Variants in CACHD1 observed in about 807,000 individuals in gnomAD.
CACHD1 encodes cache domain containing 1, also known as VWFA and cache domain-containing protein 1.
Under a neutral mutation model 138.7 loss-of-function variants are expected in CACHD1, and 71 were observed. That is an observed-to-expected ratio of 0.51 (90% CI 0.42 to 0.62). The LOEUF is 0.62. Ranked by LOEUF, CACHD1 falls within the 20% of genes least tolerant of loss-of-function variation. The pLI is 0.00. For synonymous variants in CACHD1, 578 were observed against 591.5 expected (o/e 0.98, Z 0.33); for missense variants, 1,389 against 1,625.3 (o/e 0.85, Z 2.50).
At chr1:64,523,816 C>T (rs903800927) in intron 1 of CACHD1, among the ~76,000 whole-genome samples, 2 of 73,612 alleles carry the variant, frequency 2.7e-5, no homozygotes, top group Non-Finnish European at 5.1e-5. Flanking sequence ...TGGGGTCGAA[C>T]GATATTCTTT....
intron 12 of CACHD1, among the ~76,000 whole-genome samples, chr1:64,657,681 C>T (rs1649312007): frequency 6.6e-6 from 1 of 152,224 alleles, no homozygotes; most frequent in Admixed American, 6.5e-5. Context: ...CAACCATCCT[C>T]ACAAATCCTA....
At chr1:64,656,101 T>A (rs1649253771) in intron 12 of CACHD1, among the ~76,000 whole-genome samples, 1 of 152,264 alleles carries the variant, frequency 6.6e-6, no homozygotes, top group African/African-American at 2.4e-5. Flanking sequence ...GTAGCCAGAA[T>A]GCCTTTAGGC....
intron 16 of CACHD1, among the ~76,000 whole-genome samples, chr1:64,668,013 T>C (rs1042125912): frequency 5.3e-5 from 8 of 152,204 alleles, no homozygotes; most frequent in African/African-American, 1.7e-4. Flanking sequence ...AATGGAAATA[T>C]GATGGACTTT....
At chr1:64,640,692 GACACACACACACACACACAC>G (rs35423621) in intron 7 of CACHD1, among the ~76,000 whole-genome samples, 3 of 143,714 alleles carry the variant, frequency 2.1e-5, no homozygotes, top group African/African-American at 5.3e-5. Flanking sequence ...TATATATACA[GACACACACACACACACACAC>G]ACACACACAC....
intron 4 of CACHD1, among the ~76,000 whole-genome samples, chr1:64,612,571 T>C (rs1353878207): frequency 6.6e-6 from 1 of 152,150 alleles, no homozygotes; most frequent in Non-Finnish European, 1.5e-5. Context: ...GGAAAATGAG[T>C]CACATGCATT....
Position 64,550,605 on chromosome 1 carries a change from C to G in CACHD1, c.210C>G (p.Asn70Lys), listed in dbSNP as rs761209550. The G allele has an allele frequency of 6.2e-7, 1 of 1,611,232 alleles. No individual in the cohort carries two copies. The highest frequency in any genetic ancestry group is 8.5e-7 in the Non-Finnish European group (1 of 1,177,722). The change falls in exon 2 of 27, where the codon AAC becomes AAG. Residue 70 changes from asparagine (N) to lysine (K), a missense_variant. Physicochemically the swap from Asn to Lys is moderately conservative, Grantham distance 94. This residue lies in a region of CACHD1 where 1,000 missense variants were observed against 1,114.7 expected (regional missense o/e 0.90). Coordinates refer to ENST00000651257, the MANE Select transcript of CACHD1 (RefSeq NM_020925.4). Reference sequence around the variant, plus strand: ...TCTTTTCATTGCAGCGGATATTCAACTCCTTTGTTTACACTGAGAAAATCT... The same window carrying G: ...TCTTTTCATTGCAGCGGATATTCAAGTCCTTTGTTTACACTGAGAAAATCT... ...LGVVTMQRIF[N>K]SFVYTEKISN...
intron 7 of CACHD1, among the ~76,000 whole-genome samples, chr1:64,641,019 T>C (rs1476884514): frequency 6.6e-6 from 1 of 152,102 alleles, no homozygotes; most frequent in Non-Finnish European, 1.5e-5. Flanking sequence ...TTCAATCCAA[T>C]GGCATGGTTT....
In CACHD1 at chr1:64,671,616, C is replaced by T. The variant is rs745363604; in HGVS notation, c.2440C>T (p.Leu814Phe). 1.9e-6 allele frequency: 3 copies of T among 1,613,858 alleles called. No homozygotes were observed. The highest frequency in any genetic ancestry group is 2.5e-6 in the Non-Finnish European group (3 of 1,179,770). The change falls in exon 17 of 27, where the codon CTC becomes TTC. Residue 814 changes from leucine (L) to phenylalanine (F), a missense_variant. Physicochemically the swap from Leu to Phe is conservative, Grantham distance 22. Transcript: ENST00000651257. ...TVAVMGIDFT[L>F]RYFYKVLMDL... The stretch of plus-strand genomic sequence containing the variant: ...GGCTGTGATGGGCATTGACTTCACA[C>T]TCAGATACTTCTACAAAGTTCTGAT...
chr1:64,501,359 A>C (rs1237721783), intron 1 of CACHD1, among the ~76,000 whole-genome samples: 2 of 152,068 alleles, frequency 1.3e-5, no homozygotes, highest in Non-Finnish European at 1.5e-5. Flanking sequence ...TACCAGCTCT[A>C]TCTTTATTTT....
chr1:64,563,771 A>G (rs12118994), intron 2 of CACHD1: 16,191 of 152,248 alleles, frequency 0.11, 913 homozygotes, highest in African/African-American at 0.14. Context: ...ACAGAATCAA[A>G]GAGCCTCATC....
intron 20 of CACHD1, 72 bp from the exon 21 acceptor site, chr1:64,675,825 C>A: frequency 9.9e-7 from 1 of 1,013,272 alleles, no homozygotes; most frequent in Non-Finnish European, 1.5e-6. Flanking sequence ...CATTATTTTG[C>A]TTCCCCAGCA....
chr1:64,503,052 A>C (rs1646348838), intron 1 of CACHD1, among the ~76,000 whole-genome samples: 1 of 152,218 alleles, frequency 6.6e-6, no homozygotes, highest in South Asian at 2.1e-4. Flanking sequence ...ATAGAGCCGA[A>C]CTTTTTTTTG....
chr1:64,670,353 T>C (rs1557549460), intron 16 of CACHD1, among the ~76,000 whole-genome samples: 1 of 152,210 alleles, frequency 6.6e-6, no homozygotes, highest in African/African-American at 2.4e-5. Context: ...TCCCCAAGCT[T>C]TAGTTTTCTG....
chr1:64,496,061 C>T (rs542090858), intron 1 of CACHD1, among the ~76,000 whole-genome samples: 3 of 152,276 alleles, frequency 2.0e-5, no homozygotes, highest in African/African-American at 7.2e-5. Context: ...TGTTTGCCAA[C>T]CTGGCCCATG....
At chr1:64,604,554 G>A (rs1479012128) in intron 4 of CACHD1, among the ~76,000 whole-genome samples, 1 of 152,202 alleles carries the variant, frequency 6.6e-6, no homozygotes, top group Non-Finnish European at 1.5e-5. Context: ...GGTTGAAATA[G>A]CAATCTGAAT....
intron 1 of CACHD1, among the ~76,000 whole-genome samples, chr1:64,495,393 T>C (rs10465846): frequency 0.089 from 13,581 of 152,170 alleles, 1,456 homozygotes; most frequent in African/African-American, 0.26. Flanking sequence ...TTCTCATGTA[T>C]TAGGAAAAGC....
chr1:64,581,102 A>G (rs1205185536), intron 2 of CACHD1, among the ~76,000 whole-genome samples: 1 of 152,194 alleles, frequency 6.6e-6, no homozygotes, highest in African/African-American at 2.4e-5. Flanking sequence ...TAGTTTATAT[A>G]ATTTCTAGCA....
intron 1 of CACHD1, among the ~76,000 whole-genome samples, chr1:64,534,508 T>G (rs1185167653): frequency 6.6e-6 from 1 of 152,238 alleles, no homozygotes; most frequent in Non-Finnish European, 1.5e-5. Flanking sequence ...CAGGCCTTAA[T>G]AATATTCCCT....
chr1:64,660,767 T>G (rs911445260), intron 13 of CACHD1, among the ~76,000 whole-genome samples: 1 of 152,114 alleles, frequency 6.6e-6, no homozygotes, highest in Non-Finnish European at 1.5e-5. Flanking sequence ...TGACCTCAGG[T>G]GATCCTCCCG....
Sources: gnomAD v4.1 joint callset for allele counts (sites outside exome capture counted in the v4.1 genomes callset) on GRCh38, gnomAD v4.1.1 for gene constraint, gnomAD v4.1.1 regional missense constraint, MANE v1.5 for transcripts, NCBI Gene and HGNC (gene_info 2026-07-23, HGNC 2026-07-21) for gene names.